TENM4: variants seen among roughly 807,000 people sequenced by gnomAD.
TENM4 encodes teneurin-4.
In TENM4, 82 loss-of-function variants were observed where a neutral mutation model predicts 243.3. The observed-to-expected ratio is 0.34, with a 90% confidence interval of 0.28 to 0.40. TENM4 has a LOEUF of 0.40. Among genes scored for constraint, TENM4 ranks in the 10% least tolerant of loss-of-function variants. The pLI is 1.00. For synonymous variants in TENM4, 1,412 were observed against 1,456.3 expected, an observed-to-expected ratio of 0.97 and a Z score of 0.69; for missense variants, 3,138 against 3,673.3, an observed-to-expected ratio of 0.85 and a Z score of 3.77.
chr11:79,423,302 C>T (rs1373325074), intron 1 of TENM4, among the ~76,000 whole-genome samples: 1 of 152,026 alleles, frequency 6.6e-6, no homozygotes, highest in African/African-American at 2.4e-5. Flanking sequence ...CCCCCACCCC[C>T]GCCATTGTAC....
intron 3 of TENM4, among the ~76,000 whole-genome samples, chr11:79,161,583 G>A (rs368736938): frequency 1.4e-4 from 21 of 152,186 alleles, no homozygotes; most frequent in South Asian, 4.1e-4. Context: ...GAGTGCTGTG[G>A]AGTGCTGACA....
intron 13 of TENM4, 35 bp from the exon 14 acceptor site, chr11:78,812,351 A>G (rs1857518431): frequency 1.9e-6 from 3 of 1,543,074 alleles, no homozygotes; most frequent in South Asian, 2.4e-5. Flanking sequence ...GCATGAATCA[A>G]TGTCCAGCAC....
chr11:78,968,667 A>G (rs1048331978), intron 6 of TENM4, among the ~76,000 whole-genome samples: 7 of 152,228 alleles, frequency 4.6e-5, no homozygotes, highest in Non-Finnish European at 1.0e-4. Context: ...ATTCTTCACA[A>G]GATTTTTTCC....
In TENM4 at chr11:79,219,159, C is replaced by T. The variant is rs1021980316; in HGVS notation, c.-264-3250G>A. 2.0e-5 allele frequency among the ~76,000 whole-genome samples: 3 copies of T among 152,182 alleles called. No individual in the cohort carries two copies. In the South Asian group the frequency reaches 6.2e-4, roughly 32 times the overall value. On this transcript the variant is annotated intron_variant, in intron 2 of 33. Transcript: ENST00000278550. ...TTGTATAAGGTAGGGGACATGGAGA[C>T]AGGGCAGGTACTCCACATAAGGGAG...
intron 2 of TENM4, among the ~76,000 whole-genome samples, chr11:79,233,224 T>G (rs1288898190): frequency 1.3e-5 from 2 of 152,244 alleles, no homozygotes; most frequent in African/African-American, 4.8e-5. Context: ...CTATTTCTTA[T>G]CTAGCTCTGC....
chr11:79,186,407 G>T (rs558160191), intron 3 of TENM4, among the ~76,000 whole-genome samples: 1 of 152,188 alleles, frequency 6.6e-6, no homozygotes, highest in Non-Finnish European at 1.5e-5. Flanking sequence ...GCACTACAGC[G>T]GAGCCTTTAC....
At chr11:79,414,157 T>TAC (rs10587790) in intron 1 of TENM4, among the ~76,000 whole-genome samples, 20,927 of 150,740 alleles carry the variant, frequency 0.14, 1,516 homozygotes, top group Middle Eastern at 0.16. Context: ...CACACATGTG[T>TAC]ACACACACAC....
intron 1 of TENM4, among the ~76,000 whole-genome samples, chr11:79,412,214 C>T (rs1279647487): frequency 6.6e-6 from 1 of 152,336 alleles, no homozygotes; most frequent in East Asian, 1.9e-4. Flanking sequence ...TCTCAAGAAG[C>T]ATCCGCATCA....
At chr11:78,885,724 G>A (rs1855533991) in intron 9 of TENM4, among the ~76,000 whole-genome samples, 2 of 152,150 alleles carry the variant, frequency 1.3e-5, no homozygotes, top group Non-Finnish European at 2.9e-5. Flanking sequence ...GTTTATGGCA[G>A]CTTGGGCAAC....
intron 6 of TENM4, among the ~76,000 whole-genome samples, chr11:78,914,665 C>G (rs748995039): frequency 7.9e-5 from 12 of 152,224 alleles, no homozygotes; most frequent in Non-Finnish European, 1.3e-4. Context: ...CTCCTGATCT[C>G]AACATCACCA....
intron 3 of TENM4, among the ~76,000 whole-genome samples, chr11:79,166,448 C>T (rs1278774842): frequency 6.6e-6 from 1 of 152,100 alleles, no homozygotes; most frequent in East Asian, 1.9e-4. Context: ...ACAATCCCTG[C>T]CCCTGAAAGG....
chr11:79,273,516 C>T (rs1399858877), intron 2 of TENM4, among the ~76,000 whole-genome samples: 1 of 152,192 alleles, frequency 6.6e-6, no homozygotes, highest in Non-Finnish European at 1.5e-5. Flanking sequence ...CAACCACTTT[C>T]CTTACATTAT....
At chr11:79,340,347 T>C (rs1857221158) in intron 1 of TENM4, among the ~76,000 whole-genome samples, 1 of 152,130 alleles carries the variant, frequency 6.6e-6, no homozygotes. Flanking sequence ...AGGGCCCTTC[T>C]GTCAGAGCTT....
chr11:78,939,986 A>T (rs894269107), intron 6 of TENM4, among the ~76,000 whole-genome samples: 4 of 152,138 alleles, frequency 2.6e-5, no homozygotes, highest in Non-Finnish European at 5.9e-5. Context: ...CCTAGAAAAT[A>T]TATAGAAGAA....
intron 16 of TENM4, among the ~76,000 whole-genome samples, chr11:78,784,967 T>C (rs1178853753): frequency 1.3e-5 from 2 of 151,760 alleles, no homozygotes; most frequent in East Asian, 3.9e-4. Context: ...GTTTTGGAGT[T>C]TGGTAAGATG....
At chr11:78,973,751 T>C (rs755704176) in intron 6 of TENM4, among the ~76,000 whole-genome samples, 8 of 150,254 alleles carry the variant, frequency 5.3e-5, no homozygotes, top group Non-Finnish European at 8.9e-5. Context: ...GTAATTGTGG[T>C]TTTTGCCATT....
At chr11:79,205,205 G>T (rs937350170) in intron 3 of TENM4, among the ~76,000 whole-genome samples, 6 of 152,144 alleles carry the variant, frequency 3.9e-5, no homozygotes, top group African/African-American at 1.4e-4. Flanking sequence ...TAAGAAACAA[G>T]AGAGAGGTCC....
Position 78,702,290 on chromosome 11 carries a change from G to A in TENM4, c.4323C>T (p.Val1441=), listed in dbSNP as rs368465950. 2.3e-4 allele frequency: 366 copies of A among 1,613,882 alleles called. No individual in the cohort carries two copies. Among genetic ancestry groups the A allele is most frequent in the Non-Finnish European group, 2.9e-4 (340 of 1,179,902 alleles). Residue 1441 remains valine (V), a synonymous_variant, in exon 28 of 34, where the codon GTC becomes GTT. Coordinates refer to ENST00000278550, the MANE Select transcript of TENM4 (RefSeq NM_001098816.3). ...QISENHQVRI[V]AGRPMHCQVP... The stretch of plus-strand genomic sequence containing the variant: ...CCTGGCAGTGCATGGGCCTCCCGGC[G>A]ACAATGCGCACCTGGTGGTTTTCAG...
chr11:79,324,770 G>A (rs1430805156), intron 1 of TENM4, among the ~76,000 whole-genome samples: 2 of 152,136 alleles, frequency 1.3e-5, no homozygotes, highest in Non-Finnish European at 2.9e-5. Flanking sequence ...ATTATTCTGG[G>A]TAGATGACAC....
Sources: allele counts gnomAD v4.1 joint callset (sites outside exome capture counted in the v4.1 genomes callset), GRCh38; gene constraint gnomAD v4.1.1; transcripts MANE v1.5; gene names NCBI Gene and HGNC (gene_info 2026-07-23, HGNC 2026-07-21).